Variants in HERC1 observed in about 807,000 individuals in gnomAD.
The protein encoded by HERC1 is probable E3 ubiquitin-protein ligase HERC1.
HERC1 carries 160 observed loss-of-function variants against 554.3 expected under a neutral mutation model. The observed-to-expected ratio is 0.29, with a 90% CI of 0.25 to 0.33. The LOEUF is 0.33. Ranked by LOEUF, HERC1 falls within the 10% of genes least tolerant of loss-of-function variation. The pLI is 1.00. For missense variants in HERC1, 4,919 were observed against 5,918.5 expected (o/e 0.83, Z 5.54); for synonymous variants, 2,175 against 2,131.7 (o/e 1.02, Z -0.56).
At chr15:63,826,794 AAAAAAAAAAAAAAAAAAAAAAT>A (rs1448724277) in intron 1 of HERC1, among the ~76,000 whole-genome samples, 3 of 48,838 alleles carry the variant, frequency 6.1e-5, no homozygotes, top group Admixed American at 2.5e-4. Context: ...TAAAAAAAAA[AAAAAAAAAAAAAAAAAAAAAAT>A]ATATATATAT....
chr15:63,713,944 G>A (rs1383588418), intron 22 of HERC1, among the ~76,000 whole-genome samples: 1 of 152,104 alleles, frequency 6.6e-6, no homozygotes, highest in Non-Finnish European at 1.5e-5. Context: ...AATTGGATCA[G>A]TTATTTTCAA....
At chr15:63,800,411 C>T (rs1210856647) in intron 1 of HERC1, among the ~76,000 whole-genome samples, 1 of 152,202 alleles carries the variant, frequency 6.6e-6, no homozygotes, top group Non-Finnish European at 1.5e-5. Flanking sequence ...AGGAACTTTG[C>T]ACAGGCAGTT....
At chr15:63,821,833 T>A (rs1440068250) in intron 1 of HERC1, among the ~76,000 whole-genome samples, 1 of 152,088 alleles carries the variant, frequency 6.6e-6, no homozygotes, top group Admixed American at 6.6e-5. Context: ...TGCTAGGGAC[T>A]TTTCTAGGCA....
chr15:63,759,972 T>C (rs1192930828), intron 3 of HERC1, among the ~76,000 whole-genome samples: 2 of 152,088 alleles, frequency 1.3e-5, no homozygotes, highest in Non-Finnish European at 2.9e-5. Context: ...TAAAGGAGGA[T>C]AGTGGGGCCA....
intron 7 of HERC1, 137 bp from the exon 8 acceptor site, chr15:63,753,222 T>C (rs2075309316): frequency 1.9e-6 from 1 of 532,226 alleles, no homozygotes; most frequent in Non-Finnish European, 3.0e-6. Flanking sequence ...TTCTGATAGC[T>C]GAGGATGTTA....
chr15:63,703,466 ATC>A (rs1315806440), intron 25 of HERC1, among the ~76,000 whole-genome samples: 2 of 152,254 alleles, frequency 1.3e-5, no homozygotes, highest in African/African-American at 4.8e-5. Context: ...AAACAGCATT[ATC>A]TCTCTCCTAT....
At chr15:63,760,435 CAAAAAAAAAAA>C (rs34164820) in intron 3 of HERC1, among the ~76,000 whole-genome samples, 3 of 91,424 alleles carry the variant, frequency 3.3e-5, no homozygotes, top group Admixed American at 1.4e-4. Flanking sequence ...AGACACCATC[CAAAAAAAAAAA>C]AAAAAAAAAG....
intron 57 of HERC1, among the ~76,000 whole-genome samples, 193 bp downstream of exon 57, chr15:63,644,799 T>C (rs2069247983): frequency 6.6e-6 from 1 of 152,212 alleles, no homozygotes; most frequent in Non-Finnish European, 1.5e-5. Flanking sequence ...GAATATCTCA[T>C]TTTACCAAGC....
In HERC1 at chr15:63,624,344, G is replaced by A. The variant is rs771382982; in HGVS notation, c.13276-17C>T. On this transcript the variant is annotated splice_polypyrimidine_tract_variant and intron_variant, in intron 71 of 77. Transcript: ENST00000443617. ...TGTGCTGTTCTGTAACAGAAGGTAC[G>A]GTTATCAGAAATGGTACAATCTAGG... The A allele has an allele frequency of 4.3e-5, 68 of 1,566,168 alleles. No homozygotes were observed. Among genetic ancestry groups the A allele is most frequent in the South Asian group, 7.0e-5 (6 of 85,770 alleles).
At chr15:63,741,038 T>A (rs1567074100) in intron 12 of HERC1, among the ~76,000 whole-genome samples, 1 of 152,088 alleles carries the variant, frequency 6.6e-6, no homozygotes, top group Non-Finnish European at 1.5e-5. Context: ...TTTTTTTTTA[T>A]TTTTTTGTGA....
chr15:63,783,785 G>T (rs951103276), intron 1 of HERC1, among the ~76,000 whole-genome samples: 1 of 152,054 alleles, frequency 6.6e-6, no homozygotes, highest in East Asian at 1.9e-4. Flanking sequence ...ACTCATGATC[G>T]GGCCGGGTGC....
chr15:63,823,952 C>CA (rs1234007119), intron 1 of HERC1, among the ~76,000 whole-genome samples: 3 of 152,040 alleles, frequency 2.0e-5, no homozygotes, highest in Non-Finnish European at 2.9e-5. Context: ...AACGCAATAG[C>CA]AAAAAACAAA....
At chr15:63,823,781 T>C (rs140016531) in intron 1 of HERC1, among the ~76,000 whole-genome samples, 2,027 of 152,284 alleles carry the variant, frequency 0.013, 24 homozygotes, top group East Asian at 0.027. Context: ...ATTATTCCAT[T>C]ATTATTATTC....
chr15:63,637,072 G>A (rs1421809019), intron 64 of HERC1: 1 of 455,766 alleles, frequency 2.2e-6, no homozygotes, highest in African/African-American at 2.0e-5. Flanking sequence ...TTGTACAGTG[G>A]TTTCTCCAAA....
rs148090474 is a variant in HERC1 at position 63,765,757 on chromosome 15, C to G, written c.931-1566G>C. Among the ~76,000 whole-genome samples, 4 of 152,262 alleles carry G rather than the reference C, an allele frequency of 2.6e-5. No homozygotes were observed. The East Asian group carries it at 7.7e-4, about 29-fold the overall frequency. ...GTACTGATTGATATATTATGTCGCC[C>G]TAAAATGTATAAAAGCAAGCTGTAC... On this transcript the variant is annotated intron_variant, in intron 2 of 77. Transcript: ENST00000443617.
Position 63,674,413 on chromosome 15 carries a change from G to A in HERC1, c.7775C>T (p.Ala2592Val), listed in dbSNP as rs749237440. 8.7e-6 allele frequency: 14 copies of A among 1,613,492 alleles called. No individual in the cohort carries two copies. The highest frequency in any genetic ancestry group is 2.2e-5 in the East Asian group (1 of 44,868). Reference sequence around the variant, plus strand: ...CACTAATTTATAGATCATGGCTTGCGCTCGTTCCAGATCAGCTAATCCCAA... The same window carrying A: ...CACTAATTTATAGATCATGGCTTGCACTCGTTCCAGATCAGCTAATCCCAA... ...RALGLADLER[A>V]QAMIYKLVVH... Residue 2592 changes from alanine (A) to valine (V), a missense_variant, in exon 38 of 78, where the codon GCG (alanine) becomes GTG (valine). By Grantham distance (64) the Ala-to-Val change is moderately conservative. Around this residue, in one of 11 missense-constraint regions of HERC1, gnomAD observed 1,963 missense variants for 2,228.6 expected, o/e 0.88. Coordinates refer to ENST00000443617, the MANE Select transcript of HERC1 (RefSeq NM_003922.4).
intron 1 of HERC1, among the ~76,000 whole-genome samples, chr15:63,831,094 G>C (rs143359892): frequency 6.1e-4 from 93 of 152,220 alleles, no homozygotes; most frequent in African/African-American, 2.0e-3. Context: ...GTAGACCTTT[G>C]TTGTTGTTTG....
At chr15:63,787,628 G>T (rs557822762) in intron 1 of HERC1, among the ~76,000 whole-genome samples, 80 of 151,974 alleles carry the variant, frequency 5.3e-4, no homozygotes, top group Non-Finnish European at 6.2e-4. Context: ...AGCCAGACTC[G>T]GTGGCACACA....
chr15:63,726,334 G>A (rs1223893871), intron 17 of HERC1, among the ~76,000 whole-genome samples: 7 of 151,986 alleles, frequency 4.6e-5, no homozygotes, highest in African/African-American at 9.7e-5. Flanking sequence ...TTGACTTCAC[G>A]AAATGACAGC....
Sources: allele counts gnomAD v4.1 joint callset (sites outside exome capture counted in the v4.1 genomes callset), GRCh38; gene constraint gnomAD v4.1.1; regional missense constraint gnomAD v4.1.1; transcripts MANE v1.5; gene names NCBI Gene and HGNC (gene_info 2026-07-23, HGNC 2026-07-21).